PLCB1: variants seen among roughly 807,000 people sequenced by gnomAD.
PLCB1 encodes 1-phosphatidylinositol 4,5-bisphosphate phosphodiesterase beta-1.
Under a neutral mutation model 161.8 loss-of-function variants are expected in PLCB1, and 46 were observed. That is an observed-to-expected ratio of 0.28 (90% CI 0.22 to 0.36). PLCB1 has a LOEUF of 0.36. Among genes scored for constraint, PLCB1 ranks in the 10% least tolerant of loss-of-function variants. The pLI is 1.00. For missense variants in PLCB1, 1,016 were observed against 1,472.5 expected, an observed-to-expected ratio of 0.69 and a Z score of 5.07; for synonymous variants, 517 against 503.7, an observed-to-expected ratio of 1.03 and a Z score of -0.35.
In PLCB1 at chr20:8,138,106, G is replaced by C. The variant is rs2051366813; in HGVS notation, c.99+5356G>C. ...GTTATTGGCATGGCAAAGCTGACTA[G>C]TACAGTACTGTTGCTGGAATATAAT... On this transcript the variant is annotated intron_variant, in intron 1 of 31. Coordinates refer to ENST00000338037, the MANE Select transcript of PLCB1 (RefSeq NM_015192.4). Among the ~76,000 whole-genome samples, 3 of 152,316 alleles carry C rather than the reference G, an allele frequency of 2.0e-5. 1 individual carries two copies. Among genetic ancestry groups the C allele is most frequent in the South Asian group, 4.1e-4 (2 of 4,832 alleles).
At chr20:8,207,192 A>G (rs536912965) in intron 2 of PLCB1, among the ~76,000 whole-genome samples, 20 of 152,324 alleles carry the variant, frequency 1.3e-4, no homozygotes, top group African/African-American at 3.4e-4. Context: ...AAATTCTGCC[A>G]TGAAAAACTC....
intron 31 of PLCB1, among the ~76,000 whole-genome samples, chr20:8,832,795 T>C (rs982273984): frequency 6.6e-6 from 1 of 152,260 alleles, no homozygotes; most frequent in Non-Finnish European, 1.5e-5. Context: ...TTTAAAACTT[T>C]ACTTATTAAT....
chr20:8,255,538 A>C (rs1282582951), intron 2 of PLCB1, among the ~76,000 whole-genome samples: 1 of 152,054 alleles, frequency 6.6e-6, no homozygotes, highest in African/African-American at 2.4e-5. Flanking sequence ...TATATATCAT[A>C]CGCTTATAAT....
At chr20:8,245,336 A>T (rs1600258800) in intron 2 of PLCB1, among the ~76,000 whole-genome samples, 1 of 151,878 alleles carries the variant, frequency 6.6e-6, no homozygotes, top group Non-Finnish European at 1.5e-5. Context: ...ACATACTAAC[A>T]TTCATAGATA....
At chr20:8,456,291 G>A (rs1351494056) in intron 3 of PLCB1, among the ~76,000 whole-genome samples, 3 of 152,188 alleles carry the variant, frequency 2.0e-5, no homozygotes, top group African/African-American at 4.8e-5. Context: ...AGATGATATA[G>A]GCATGAGCAA....
intron 19 of PLCB1, among the ~76,000 whole-genome samples, chr20:8,733,978 ATT>A (rs1241200633): frequency 6.7e-6 from 1 of 148,736 alleles, no homozygotes; most frequent in African/African-American, 2.5e-5. Context: ...AAAAAAAACA[ATT>A]AGCCGGGCGT....
chr20:8,135,235 G>C (rs2051333816), intron 1 of PLCB1, among the ~76,000 whole-genome samples: 1 of 152,160 alleles, frequency 6.6e-6, no homozygotes, highest in Admixed American at 6.5e-5. Flanking sequence ...CTGTATTTTT[G>C]CTGCTTCTTG....
intron 4 of PLCB1, among the ~76,000 whole-genome samples, chr20:8,644,528 C>A (rs1383856537): frequency 6.7e-6 from 1 of 148,154 alleles, no homozygotes; most frequent in Non-Finnish European, 1.5e-5. Flanking sequence ...CCGGCCGCCC[C>A]GTCTGAGAAG....
At chr20:8,134,837 G>A (rs1440948715) in intron 1 of PLCB1, among the ~76,000 whole-genome samples, 1 of 151,220 alleles carries the variant, frequency 6.6e-6, no homozygotes, top group East Asian at 1.9e-4. Context: ...TAGTCACTAA[G>A]GAGAAGACCA....
At chr20:8,484,952 G>A (rs1373770586) in intron 3 of PLCB1, among the ~76,000 whole-genome samples, 1 of 152,166 alleles carries the variant, frequency 6.6e-6, no homozygotes, top group Non-Finnish European at 1.5e-5. Flanking sequence ...ATGTTCTTAG[G>A]AACTTGCTAT....
chr20:8,256,415 T>C (rs1369881158), intron 2 of PLCB1, among the ~76,000 whole-genome samples: 2 of 152,046 alleles, frequency 1.3e-5, no homozygotes, highest in Admixed American at 6.6e-5. Flanking sequence ...TGGTCCTCTC[T>C]AATCCTCAAC....
intron 2 of PLCB1, among the ~76,000 whole-genome samples, chr20:8,226,035 T>C (rs998692669): frequency 2.0e-5 from 3 of 152,178 alleles, no homozygotes; most frequent in South Asian, 2.1e-4. Context: ...TCTAGGCACA[T>C]GGTAAGGGCC....
intron 3 of PLCB1, among the ~76,000 whole-genome samples, chr20:8,407,089 A>G (rs1978817889): frequency 6.6e-6 from 1 of 152,226 alleles, no homozygotes; most frequent in African/African-American, 2.4e-5. Context: ...CCAAGGGAGG[A>G]AAGCTAGAAT....
intron 26 of PLCB1, among the ~76,000 whole-genome samples, chr20:8,773,205 G>A (rs1982778657): frequency 6.6e-6 from 1 of 152,202 alleles, no homozygotes; most frequent in Non-Finnish European, 1.5e-5. Context: ...ATTACTGACA[G>A]CTGATTCTAA....
At position 8,195,708 on chromosome 20, in the gene PLCB1, G is replaced by A. The variant is rs117734856; in HGVS notation, c.177+45337G>A. ...TTGTTGTGACGTTATTTAGTCTTCT[G>A]AAATCTGTGACAGTTCCTTAGTCTT... On this transcript the variant is annotated intron_variant, in intron 2 of 31. Coordinates refer to ENST00000338037, the MANE Select transcript of PLCB1 (RefSeq NM_015192.4). 8.2e-3 allele frequency among the ~76,000 whole-genome samples: 1,255 copies of A among 152,140 alleles called. 11 individuals carry two copies. The highest frequency in any genetic ancestry group is 0.011 in the Non-Finnish European group (752 of 67,956).
In PLCB1 at chr20:8,709,272, A is replaced by G. The variant is rs1022864797; in HGVS notation, c.1250+520A>G. Among the ~76,000 whole-genome samples, 34 of 152,350 alleles carry G rather than the reference A, an allele frequency of 2.2e-4. 1 individual carries two copies. The highest frequency in any genetic ancestry group is 8.3e-4 in the South Asian group (4 of 4,828). ...AATATTTGTATTTGCCAATTTCAAA[A>G]TAGCCTGCATGTATTGCTGAGCTAC... On this transcript the variant is annotated intron_variant, in intron 12 of 31. Coordinates refer to ENST00000338037, the MANE Select transcript of PLCB1 (RefSeq NM_015192.4).
At chr20:8,173,387 C>T (rs564481946) in intron 2 of PLCB1, among the ~76,000 whole-genome samples, 1 of 152,230 alleles carries the variant, frequency 6.6e-6, no homozygotes, top group East Asian at 1.9e-4. Flanking sequence ...ACAGGGACCT[C>T]TGGAAGCCCC....
chr20:8,432,351 A>T (rs1980085259), intron 3 of PLCB1, among the ~76,000 whole-genome samples: 4 of 152,200 alleles, frequency 2.6e-5, no homozygotes, highest in Admixed American at 2.6e-4. Flanking sequence ...CCCAGTGTGC[A>T]GGCTGGTTGG....
chr20:8,613,079 A>G (rs560853866), intron 3 of PLCB1, among the ~76,000 whole-genome samples: 3 of 152,292 alleles, frequency 2.0e-5, no homozygotes, highest in African/African-American at 7.2e-5. Flanking sequence ...TATTGGCTCT[A>G]TTGCATACAT....
Sources: gnomAD v4.1 joint callset for allele counts (sites outside exome capture counted in the v4.1 genomes callset) on GRCh38, gnomAD v4.1.1 for gene constraint, MANE v1.5 for transcripts, NCBI Gene and HGNC (gene_info 2026-07-23, HGNC 2026-07-21) for gene names.